GRIK1: variants seen among roughly 807,000 people sequenced by gnomAD.
The protein encoded by GRIK1 is glutamate receptor ionotropic, kainate 1.
In GRIK1, 69 loss-of-function variants were observed where a neutral mutation model predicts 105.7. That is an observed-to-expected ratio of 0.65 (90% CI 0.54 to 0.80). GRIK1 has a LOEUF of 0.80. Ranked by LOEUF, GRIK1 falls within the 30% of genes least tolerant of loss-of-function variation. The pLI, the probability that GRIK1 is intolerant of heterozygous loss-of-function variation, is 0.00. For synonymous variants in GRIK1, 438 were observed against 431.3 expected (o/e 1.02, Z -0.19); for missense variants, 1,109 against 1,167.3 (o/e 0.95, Z 0.73).
intron 1 of GRIK1, among the ~76,000 whole-genome samples, chr21:29,905,981 C>A (rs1569207769): frequency 6.6e-6 from 1 of 151,550 alleles, no homozygotes; most frequent in Non-Finnish European, 1.5e-5. Flanking sequence ...TCTGTTATTG[C>A]CCGGTGGAGT....
intron 4 of GRIK1, chr21:29,657,311 C>G (rs946574924): frequency 6.6e-6 from 1 of 152,110 alleles, no homozygotes; most frequent in African/African-American, 2.4e-5. Flanking sequence ...ATTATGGAGG[C>G]TTTGGATCCC....
chr21:29,887,387 T>TTCA (rs1015338604), intron 1 of GRIK1, among the ~76,000 whole-genome samples: 2 of 152,184 alleles, frequency 1.3e-5, no homozygotes, highest in Non-Finnish European at 2.9e-5. Context: ...CAATCTGAGT[T>TTCA]ATTTAGAGGA....
At chr21:29,864,899 T>G (rs2068753361) in intron 1 of GRIK1, among the ~76,000 whole-genome samples, 3 of 152,176 alleles carry the variant, frequency 2.0e-5, no homozygotes, top group Admixed American at 6.5e-5. Context: ...CCATTATTGA[T>G]GGTCACGATT....
rs543181077 is a variant in GRIK1, at chr21:29,684,674, A to AT, written c.544+5053dup. Reference sequence around the variant, plus strand: ...AGGCGCCCGCCACCACGCCAGGCTAATTTTTTTTTGTATTTTTAGTAGAGA... The same window carrying AT: ...AGGCGCCCGCCACCACGCCAGGCTAATTTTTTTTTTGTATTTTTAGTAGAGA... On this transcript the variant is annotated intron_variant, in intron 3 of 17. Coordinates refer to ENST00000327783, the MANE Select transcript of GRIK1 (RefSeq NM_001330994.2). Among the ~76,000 whole-genome samples, 611 of 151,104 alleles carry AT rather than the reference A, an allele frequency of 4.0e-3. 2 individuals are homozygous for AT. The highest frequency in any genetic ancestry group is 6.9e-3 in the Admixed American group (105 of 15,176).
intron 7 of GRIK1, chr21:29,630,635 C>T: frequency 2.1e-6 from 1 of 470,460 alleles, no homozygotes; most frequent in Non-Finnish European, 4.4e-6. Context: ...ACTGCAGCAG[C>T]CCCAGCCAAC....
intron 1 of GRIK1, among the ~76,000 whole-genome samples, chr21:29,882,178 T>A (rs145472): frequency 0.39 from 59,377 of 151,888 alleles, 12,111 homozygotes; most frequent in African/African-American, 0.51. Context: ...GAGATGGGAC[T>A]TTTGGGTGGT....
At chr21:29,731,272 A>C (rs2064619332) in intron 1 of GRIK1, among the ~76,000 whole-genome samples, 1 of 152,188 alleles carries the variant, frequency 6.6e-6, no homozygotes. Context: ...TAATAAGCAG[A>C]TGTTATCATT....
intron 4 of GRIK1, among the ~76,000 whole-genome samples, chr21:29,670,807 G>A (rs191362080): frequency 2.0e-5 from 3 of 152,256 alleles, no homozygotes; most frequent in African/African-American, 2.4e-5. Flanking sequence ...CTTAAATGAA[G>A]CCTTATGATA....
At chr21:29,586,201 T>C (rs2091127424) in intron 12 of GRIK1, among the ~76,000 whole-genome samples, 1 of 152,218 alleles carries the variant, frequency 6.6e-6, no homozygotes, top group Non-Finnish European at 1.5e-5. Flanking sequence ...AAGTATAAAA[T>C]CTGAGCTTTG....
chr21:29,724,358 T>TTGC (rs386394565), intron 1 of GRIK1, among the ~76,000 whole-genome samples: 1 of 151,772 alleles, frequency 6.6e-6, no homozygotes, highest in Non-Finnish European at 1.5e-5. Context: ...GATACGATTG[T>TTGC]TGGGCAACTA....
chr21:29,586,644 G>C (rs754247784), intron 12 of GRIK1, among the ~76,000 whole-genome samples: 1 of 152,188 alleles, frequency 6.6e-6, no homozygotes, highest in Non-Finnish European at 1.5e-5. Flanking sequence ...TTCAAATTTA[G>C]CATCAAAAGT....
At chr21:29,677,653 C>CA (rs1417152317) in intron 3 of GRIK1, among the ~76,000 whole-genome samples, 1 of 151,880 alleles carries the variant, frequency 6.6e-6, no homozygotes, top group Non-Finnish European at 1.5e-5. Flanking sequence ...TAAGTAATAA[C>CA]AAACTTTGCT....
chr21:29,811,048 C>A lies in GRIK1; in HGVS notation c.119-116985G>T, dbSNP rs182978069. Among the ~76,000 whole-genome samples the A allele has an allele frequency of 1.1e-4, 16 of 152,214 alleles. No individual in the cohort carries two copies. In the East Asian group the frequency reaches 3.1e-3, roughly 29 times the overall value. On this transcript the variant is annotated intron_variant, in intron 1 of 17. Transcript: ENST00000327783. ...TATTTTTATTTAGCTCTGATGAATG[C>A]CTCTATTTCATTCAGCTTCATAATA...
At chr21:29,570,685 G>T (rs1437049946) in intron 14 of GRIK1, among the ~76,000 whole-genome samples, 1 of 152,012 alleles carries the variant, frequency 6.6e-6, no homozygotes, top group African/African-American at 2.4e-5. Flanking sequence ...CTTTAACCTT[G>T]GCCAGCTAAT....
intron 1 of GRIK1, among the ~76,000 whole-genome samples, chr21:29,824,651 G>A: frequency 6.6e-6 from 1 of 152,006 alleles, no homozygotes. Flanking sequence ...TAAAAGAACT[G>A]CAAGTAAGTT....
intron 1 of GRIK1, among the ~76,000 whole-genome samples, chr21:29,872,725 G>T (rs373197911): frequency 6.6e-6 from 1 of 152,342 alleles, no homozygotes; most frequent in South Asian, 2.1e-4. Flanking sequence ...CAAAAGAGAA[G>T]CTTGTGCAGG....
At chr21:29,847,819 A>T (rs1186859981) in intron 1 of GRIK1, among the ~76,000 whole-genome samples, 1 of 151,572 alleles carries the variant, frequency 6.6e-6, no homozygotes, top group Non-Finnish European at 1.5e-5. Context: ...AACACACCTA[A>T]TCATTCTCAA....
chr21:29,810,583 A>G (rs1601755376), intron 1 of GRIK1, among the ~76,000 whole-genome samples: 1 of 152,148 alleles, frequency 6.6e-6, no homozygotes, highest in Admixed American at 6.5e-5. Flanking sequence ...AAGCGTGTCA[A>G]TCTATGGAAA....
rs368867345 is a variant in GRIK1 at position 29,744,698 on chromosome 21, G to A, written c.119-50635C>T. ...TTTGGTCTATATTTTTCAAGATCTT[G>A]TTATCTGTTCTTTCCATGTACTCCT... On this transcript the variant is annotated intron_variant, in intron 1 of 17. Transcript: ENST00000327783. Among the ~76,000 whole-genome samples the A allele has an allele frequency of 6.6e-5, 10 of 151,826 alleles. No homozygotes were observed. In the East Asian group the frequency reaches 1.2e-3, roughly 18 times the overall value.
Sources: gnomAD v4.1 joint callset for allele counts (sites outside exome capture counted in the v4.1 genomes callset) on GRCh38, gnomAD v4.1.1 for gene constraint, MANE v1.5 for transcripts, NCBI Gene and HGNC (gene_info 2026-07-23, HGNC 2026-07-21) for gene names.